The following ORC1 variants were observed in gnomAD, a reference collection of about 807,000 sequenced individuals.
ORC1 encodes origin recognition complex, subunit 1 homolog.
In ORC1, 61 loss-of-function variants were observed where a neutral mutation model predicts 98.9. That is an observed-to-expected ratio of 0.62 (90% CI 0.50 to 0.76). ORC1 has a LOEUF of 0.76. Ranked by LOEUF, ORC1 falls within the 30% of genes least tolerant of loss-of-function variation. ORC1 has a pLI of 0.00. For synonymous variants in ORC1, 385 were observed against 406.9 expected (o/e 0.95, Z 0.65); for missense variants, 979 against 1,072.2 (o/e 0.91, Z 1.21).
At position 52,389,235 on chromosome 1, in the gene ORC1, C is replaced by T. The variant is rs150686281; in HGVS notation, c.1169G>A (p.Arg390Gln). 8.1e-6 allele frequency: 13 copies of T among 1,613,770 alleles called. No individual in the cohort carries two copies. The highest frequency in any genetic ancestry group is 1.6e-4 in the Middle Eastern group (1 of 6,078). The part of the protein sequence containing the change: ...RRKSSVLTMN[R>Q]IRQQLRFLGN... ...GTCTTACCGAAGCTGCTGCCTAATC[C>T]GATTCATAGTCAAGACAGAACTCTT... The change falls in exon 7 of 17, where the codon CGG (arginine) becomes CAG (glutamine). Residue 390 changes from arginine to glutamine, a missense_variant. Arg to Gln is a conservative substitution (Grantham distance 43). Transcript: ENST00000371568.
intron 5 of ORC1, among the ~76,000 whole-genome samples, chr1:52,395,236 C>T (rs894943930): frequency 1.3e-5 from 2 of 151,996 alleles, no homozygotes; most frequent in Admixed American, 6.6e-5. Context: ...AGTATACTAC[C>T]CTTTTGGTAA....
chr1:52,396,098 T>C lies in ORC1; in HGVS notation c.669A>G (p.Gln223=), dbSNP rs775173361. ...TTGGGGTAAGAGGATGGGTAGGAGT[T>C]TGGCGAGATTTGGAGGCGGAGTGCC... The part of the protein sequence containing the change: ...ESRHSASKSR[Q]TPTHPLTPRA... Residue 223 remains glutamine (Q), a synonymous_variant, in exon 5 of 17, where the codon CAA becomes CAG. Coordinates refer to ENST00000371568, the MANE Select transcript of ORC1 (RefSeq NM_004153.4). The C allele has an allele frequency of 8.7e-6, 14 of 1,614,072 alleles. No individual in the cohort carries two copies. The highest frequency in any genetic ancestry group is 1.1e-5 in the Non-Finnish European group (13 of 1,180,052).
At chr1:52,402,851 C>A (rs1647786071) in intron 1 of ORC1, among the ~76,000 whole-genome samples, 1 of 152,010 alleles carries the variant, frequency 6.6e-6, no homozygotes, top group Admixed American at 6.5e-5. Flanking sequence ...GAGCCGAGAT[C>A]GCAACACTGC....
chr1:52,400,210 C>T (rs994738193), intron 3 of ORC1, among the ~76,000 whole-genome samples: 8 of 152,134 alleles, frequency 5.3e-5, no homozygotes, highest in Admixed American at 2.0e-4. Context: ...GCTGAGGGTA[C>T]GCGCCAAGAC....
chr1:52,383,797 G>C, intron 12 of ORC1, 33 bp downstream of exon 12: 1 of 1,565,216 alleles, frequency 6.4e-7, no homozygotes, highest in Non-Finnish European at 8.8e-7. Flanking sequence ...GTACAGCCCT[G>C]TTTCTTCTCC....
chr1:52,403,735 C>T (rs1013093936), intron 1 of ORC1, among the ~76,000 whole-genome samples: 2 of 152,134 alleles, frequency 1.3e-5, no homozygotes, highest in East Asian at 3.9e-4. Flanking sequence ...TGACAGACAG[C>T]CCAGCAGTTA....
intron 11 of ORC1, among the ~76,000 whole-genome samples, chr1:52,384,270 C>T (rs551324728): frequency 1.3e-5 from 2 of 152,328 alleles, no homozygotes; most frequent in East Asian, 1.9e-4. Flanking sequence ...TGGCCTGCCA[C>T]GGACCCCTTT....
In ORC1 at chr1:52,389,214, T is replaced by G; in HGVS notation, c.1187+3A>C. ...TTCTCTGCCTGCCAAGGAGTAGTCT[T>G]ACCGAAGCTGCTGCCTAATCCGATT... is the stretch of plus-strand genomic sequence containing the variant. On this transcript the variant is annotated splice_donor_region_variant and intron_variant, in intron 7 of 16. Coordinates refer to ENST00000371568, the MANE Select transcript of ORC1 (RefSeq NM_004153.4). The G allele has an allele frequency of 2.5e-6, 4 of 1,609,304 alleles. No homozygotes were observed. Among genetic ancestry groups the G allele is most frequent in the Non-Finnish European group, 3.4e-6 (4 of 1,175,600 alleles).
intron 7 of ORC1, 54 bp from the exon 8 acceptor site, chr1:52,388,691 G>T: frequency 2.7e-6 from 4 of 1,474,318 alleles, no homozygotes; most frequent in African/African-American, 1.4e-5. Flanking sequence ...TAAATAAGAA[G>T]AACTCTATAA....
chr1:52,393,327 A>C, intron 6 of ORC1, 116 bp downstream of exon 6: 1 of 1,399,480 alleles, frequency 7.1e-7, no homozygotes, highest in African/African-American at 1.4e-5. Context: ...AAAGCTCCCC[A>C]ATACTTCTGT....
chr1:52,382,980 T>C (rs1020128777), intron 13 of ORC1, among the ~76,000 whole-genome samples: 3 of 152,212 alleles, frequency 2.0e-5, no homozygotes, highest in African/African-American at 4.8e-5. Context: ...CAGAAAATCA[T>C]GCAATGGTTA....
At chr1:52,405,615 C>T (rs992709723), upstream of ORC1, 4 of 1,512,130 alleles carry the variant, frequency 2.6e-6, no homozygotes, top group East Asian at 9.0e-5. Context: ...AAAGCTTGAA[C>T]TAACTCCACT....
upstream of ORC1, chr1:52,404,616 C>T: frequency 2.1e-6 from 2 of 954,442 alleles, no homozygotes; most frequent in Admixed American, 2.8e-5. Context: ...TACGGTGTTT[C>T]CGGCTTCAAG....
upstream of ORC1, chr1:52,409,379 C>CA (rs1648086224): frequency 6.6e-6 from 1 of 152,282 alleles, no homozygotes; most frequent in South Asian, 2.1e-4. Context: ...AGGAGGCCAA[C>CA]ATGGGCAGAT....
intron 14 of ORC1, among the ~76,000 whole-genome samples, chr1:52,379,523 G>A (rs1416334390): frequency 1.3e-5 from 2 of 151,904 alleles, no homozygotes; most frequent in East Asian, 1.9e-4. Context: ...GATTACAGGC[G>A]TGAGCCACCG....
chr1:52,405,760 C>T (rs1255960866), upstream of ORC1: 4 of 1,613,964 alleles, frequency 2.5e-6, no homozygotes, highest in Non-Finnish European at 3.4e-6. Flanking sequence ...AACACCCTTT[C>T]TGTGTTTAAC....
At chr1:52,395,530 T>C (rs1459625520) in intron 5 of ORC1, among the ~76,000 whole-genome samples, 4 of 152,192 alleles carry the variant, frequency 2.6e-5, no homozygotes, top group South Asian at 2.1e-4. Flanking sequence ...CAAACTTTGA[T>C]AGTTGGGCAT....
chr1:52,407,703 T>G (rs1648037197), upstream of ORC1, among the ~76,000 whole-genome samples: 1 of 151,828 alleles, frequency 6.6e-6, no homozygotes, highest in African/African-American at 2.4e-5. Context: ...GGTGGATTGC[T>G]TGAGGTCAGG....
chr1:52,393,557 G>T lies in ORC1; in HGVS notation c.968C>A (p.Ala323Glu). Residue 323 changes from alanine to glutamate, a missense_variant, in exon 6 of 17, where the codon GCA becomes GAA. Coordinates refer to ENST00000371568, the MANE Select transcript of ORC1 (RefSeq NM_004153.4). ...EHRIILRTRI[A>E]ASKTIDIREE... is the part of the protein sequence containing the mutation. ...TCTAATGTCTATGGTTTTCGAAGCT[G>T]CAATTCGGGTTCTCAGGATTATGCG... The T allele has an allele frequency of 1.2e-6, 2 of 1,614,152 alleles. No homozygotes were observed. Among genetic ancestry groups the T allele is most frequent in the Non-Finnish European group, 1.7e-6 (2 of 1,180,032 alleles).
Sources: gnomAD v4.1 joint callset for allele counts (sites outside exome capture counted in the v4.1 genomes callset) on GRCh38, gnomAD v4.1.1 for gene constraint, MANE v1.5 for transcripts, NCBI Gene and HGNC (gene_info 2026-07-23, HGNC 2026-07-21) for gene names.